The following SPTLC2 variants were observed in gnomAD, a reference collection of about 807,000 sequenced individuals.
SPTLC2 encodes the protein serine palmitoyltransferase long chain base subunit 2, also known as serine palmitoyltransferase 2.
In SPTLC2, 21 loss-of-function variants were observed where a neutral mutation model predicts 62.0. The ratio of observed to expected loss-of-function variants is 0.34; its 90% CI spans 0.24 to 0.49. The LOEUF (loss-of-function observed/expected upper bound fraction) is 0.49. Ranked by LOEUF, SPTLC2 falls within the 20% of genes least tolerant of loss-of-function variation. SPTLC2 has a pLI of 0.99. For missense variants in SPTLC2, 511 were observed against 713.0 expected, an observed-to-expected ratio of 0.72 and a Z score of 3.23; for synonymous variants, 261 against 261.8, an observed-to-expected ratio of 1.00 and a Z score of 0.03.
intron 2 of SPTLC2, among the ~76,000 whole-genome samples, chr14:77,586,250 A>G (rs1289444977): frequency 6.6e-6 from 1 of 151,620 alleles, no homozygotes; most frequent in Non-Finnish European, 1.5e-5. Context: ...TAATTTTTGT[A>G]TTTTCAGTAG....
chr14:77,597,849 C>G (rs1474457556), intron 1 of SPTLC2, among the ~76,000 whole-genome samples: 1 of 150,398 alleles, frequency 6.6e-6, no homozygotes, highest in Non-Finnish European at 1.5e-5. Flanking sequence ...TTAGGCCAGG[C>G]ACGGTGGCTC....
At chr14:77,578,204 C>T (rs1287886976) in intron 3 of SPTLC2, among the ~76,000 whole-genome samples, 2 of 151,980 alleles carry the variant, frequency 1.3e-5, no homozygotes, top group Non-Finnish European at 1.5e-5. Flanking sequence ...AAAAGTTTTC[C>T]AAACTATTCA....
intron 11 of SPTLC2, among the ~76,000 whole-genome samples, chr14:77,515,032 T>C (rs919895656): frequency 3.3e-5 from 5 of 152,256 alleles, no homozygotes; most frequent in African/African-American, 9.6e-5. Flanking sequence ...TCTTTTCTCA[T>C]TGACTGGTCT....
At chr14:77,517,968 G>A in intron 11 of SPTLC2, 70 bp downstream of exon 11, 1 of 1,598,382 alleles carries the variant, frequency 6.3e-7, no homozygotes, top group Non-Finnish European at 8.6e-7. Flanking sequence ...AATATATTAT[G>A]AATTTCATCT....
At chr14:77,517,443 T>C (rs891965406) in intron 11 of SPTLC2, among the ~76,000 whole-genome samples, 1 of 152,184 alleles carries the variant, frequency 6.6e-6, no homozygotes, top group Non-Finnish European at 1.5e-5. Context: ...AATAAATAAT[T>C]AAGCTTAGTA....
At chr14:77,582,856 G>C (rs1389568229) in intron 2 of SPTLC2, among the ~76,000 whole-genome samples, 2 of 152,146 alleles carry the variant, frequency 1.3e-5, no homozygotes, top group Non-Finnish European at 2.9e-5. Context: ...TTACTCCTTA[G>C]CTAAGCTCCA....
intron 9 of SPTLC2, among the ~76,000 whole-genome samples, chr14:77,539,516 G>A (rs1335135402): frequency 1.6e-5 from 2 of 124,274 alleles, no homozygotes. Context: ...TGGAGATGGG[G>A]TCTCGTTGTG....
At chr14:77,610,900 T>C (rs1257879742) in intron 1 of SPTLC2, among the ~76,000 whole-genome samples, 2 of 148,374 alleles carry the variant, frequency 1.3e-5, no homozygotes, top group Non-Finnish European at 3.0e-5. Context: ...TGTCTCCCTC[T>C]CTCTTTATAT....
chr14:77,557,271 T>C (rs901313714), intron 6 of SPTLC2, 125 bp from the exon 7 acceptor site: 1 of 873,162 alleles, frequency 1.1e-6, no homozygotes, highest in Admixed American at 2.4e-5. Flanking sequence ...TAATTAGAGT[T>C]GGGCAGAAAA....
In SPTLC2 at chr14:77,587,052, G is replaced by A. The variant is rs139960684; in HGVS notation, c.328-7943C>T. Among the ~76,000 whole-genome samples the A allele has an allele frequency of 7.2e-5, 11 of 152,198 alleles. No homozygotes were observed. The East Asian group carries it at 1.4e-3, about 19-fold the overall frequency. On this transcript the variant is annotated intron_variant, in intron 2 of 11. Transcript: ENST00000216484. ...CATCCTGGCTAACACAGTGAAACCC[G>A]TCTGTACTAAAAATACAAAAACAAA... is the stretch of plus-strand genomic sequence containing the variant.
In SPTLC2 at chr14:77,582,050, TA is replaced by T. The variant is rs3216475; in HGVS notation, c.328-2942del. On this transcript the variant is annotated intron_variant, in intron 2 of 11. Transcript: ENST00000216484. Reference sequence around the variant, plus strand: ...GATTATCTCATTTCTTTTTTTTAATTAAAAAAAAAAATTTTTTTTTGAGACA... The same window carrying T: ...GATTATCTCATTTCTTTTTTTTAATTAAAAAAAAAATTTTTTTTTGAGACA... Among the ~76,000 whole-genome samples the T allele has an allele frequency of 3.8e-3, 571 of 149,296 alleles. 5 individuals are homozygous for T. The highest frequency in any genetic ancestry group is 0.013 in the African/African-American group (532 of 40,678).
At chr14:77,588,993 T>C (rs2079798806) in intron 2 of SPTLC2, among the ~76,000 whole-genome samples, 1 of 60,060 alleles carries the variant, frequency 1.7e-5, no homozygotes, top group African/African-American at 8.2e-5. Flanking sequence ...TAAGACCTTG[T>C]CTCAAAAAAA....
chr14:77,569,583 TCTC>T (rs915366615), intron 5 of SPTLC2, among the ~76,000 whole-genome samples: 24 of 151,534 alleles, frequency 1.6e-4, no homozygotes, highest in African/African-American at 5.8e-4. Context: ...AAAACTCAAT[TCTC>T]CTGCTTGAGT....
chr14:77,510,063 G>A lies in SPTLC2; in HGVS notation c.*2221C>T. The A allele has an allele frequency of 2.5e-6, 1 of 397,282 alleles. No individual in the cohort carries two copies. Among genetic ancestry groups the A allele is most frequent in the East Asian group, 3.6e-5 (1 of 27,958 alleles). 24.6% of individuals were successfully genotyped at this position (397,282 alleles called of 1,614,324 possible). A position where few individuals can be genotyped will look rare whatever the true frequency, so the allele number is the denominator to read the frequency against. On this transcript the variant is annotated 3_prime_UTR_variant, in exon 12 of 12. Coordinates refer to ENST00000216484, the MANE Select transcript of SPTLC2 (RefSeq NM_004863.4). Reference sequence around the variant, plus strand: ...CAAAAGCTATGTGGTATTCCAGTGGGATTCTATGGTAGGAAACTAGATGTG... The same window carrying A: ...CAAAAGCTATGTGGTATTCCAGTGGAATTCTATGGTAGGAAACTAGATGTG...
At chr14:77,572,212 T>A (rs1042584567) in intron 4 of SPTLC2, among the ~76,000 whole-genome samples, 1 of 152,126 alleles carries the variant, frequency 6.6e-6, no homozygotes, top group African/African-American at 2.4e-5. Flanking sequence ...GAGTGCCAGT[T>A]AGAAACTCTG....
intron 9 of SPTLC2, among the ~76,000 whole-genome samples, chr14:77,526,144 A>C (rs1219315757): frequency 1.3e-5 from 2 of 152,216 alleles, no homozygotes; most frequent in African/African-American, 4.8e-5. Flanking sequence ...CTTTGCTCTT[A>C]AAGTGAAACT....
In SPTLC2 at chr14:77,508,920, C is replaced by T. The variant is rs2079318894; in HGVS notation, c.*3364G>A. ...TCTCTAGAGTTGGAATTTTAAAAAT[C>T]AAGAACTTGAAGGTACAGAAAGAAA... On this transcript the variant is annotated 3_prime_UTR_variant, in exon 12 of 12. Transcript: ENST00000216484. 1 of 152,060 alleles carries T rather than the reference C, an allele frequency of 6.6e-6. No individual in the cohort carries two copies. Among genetic ancestry groups the T allele is most frequent in the Non-Finnish European group, 1.5e-5 (1 of 68,020 alleles). 9.4% of individuals were successfully genotyped at this position (152,060 alleles called of 1,614,324 possible). A position where few individuals can be genotyped will look rare whatever the true frequency, so the allele number is the denominator to read the frequency against.
intron 5 of SPTLC2, among the ~76,000 whole-genome samples, chr14:77,567,382 A>G (rs1178115400): frequency 3.9e-5 from 6 of 152,258 alleles, no homozygotes; most frequent in African/African-American, 1.2e-4. Context: ...CTAATCCTCT[A>G]GTGTTAAAAA....
chr14:77,549,429 T>C (rs1055462979), intron 9 of SPTLC2, among the ~76,000 whole-genome samples: 1 of 152,142 alleles, frequency 6.6e-6, no homozygotes, highest in Non-Finnish European at 1.5e-5. Context: ...CACGATGTCA[T>C]GAGGAGCCTA....
Sources: allele counts gnomAD v4.1 joint callset (sites outside exome capture counted in the v4.1 genomes callset), GRCh38; gene constraint gnomAD v4.1.1; transcripts MANE v1.5; gene names NCBI Gene and HGNC (gene_info 2026-07-23, HGNC 2026-07-21).